Variants in KIRREL3 observed in about 807,000 individuals in gnomAD.
KIRREL3 encodes kin of IRRE-like protein 3.
Under a neutral mutation model 89.7 loss-of-function variants are expected in KIRREL3, and 36 were observed. The observed-to-expected ratio is 0.40, with a 90% confidence interval of 0.31 to 0.53. KIRREL3 has a LOEUF of 0.53. Among genes scored for constraint, KIRREL3 ranks in the 20% least tolerant of loss-of-function variants. The pLI, the probability that KIRREL3 is intolerant of heterozygous loss-of-function variation, is 0.49. For synonymous variants in KIRREL3, 445 were observed against 441.4 expected (o/e 1.01, Z -0.10); for missense variants, 864 against 1,056.6 (o/e 0.82, Z 2.53).
chr11:126,468,915 T>C lies in KIRREL3; in HGVS notation c.591+4394A>G, dbSNP rs115165919. ...GGTTTGAGCTAGGCCTTCAGAACCATGTGGCCAGCCTAACTATGACACCGA... is the reference window on the plus strand; with the variant it reads ...GGTTTGAGCTAGGCCTTCAGAACCACGTGGCCAGCCTAACTATGACACCGA... On this transcript the variant is annotated intron_variant, in intron 5 of 16. Coordinates refer to ENST00000525144, the MANE Select transcript of KIRREL3 (RefSeq NM_032531.4). Among the ~76,000 whole-genome samples the C allele has an allele frequency of 4.5e-3, 686 of 152,300 alleles. 6 individuals carry two copies. The highest frequency in any genetic ancestry group is 0.015 in the African/African-American group (616 of 41,564).
In KIRREL3 at chr11:126,768,133, T is replaced by TCCATCCATCCATCC. The variant is rs1949891419; in HGVS notation, c.56-205222_56-205221insGGATGGATGGATGG. On this transcript the variant is annotated intron_variant, in intron 1 of 16. Transcript: ENST00000525144. The surrounding 1 kb of genome is among the most constrained non-coding windows in gnomAD (Gnocchi z 4.5). ...CTGTCCATCCATCTGTCTATCCATC[T>TCCATCCATCCATCC]ATCCATCCATCCATCCATCCATCCA... 7.8e-6 allele frequency among the ~76,000 whole-genome samples: 1 copy of TCCATCCATCCATCC among 127,458 alleles called. No individual in the cohort carries two copies. Among genetic ancestry groups the TCCATCCATCCATCC allele is most frequent in the African/African-American group, 3.4e-5 (1 of 29,344 alleles). 83.6% of individuals were successfully genotyped at this position (127,458 alleles called of 152,430 possible).
intron 1 of KIRREL3, among the ~76,000 whole-genome samples, chr11:126,998,783 T>C (rs1007986399): frequency 1.3e-5 from 2 of 152,296 alleles, no homozygotes; most frequent in East Asian, 3.9e-4. Context: ...AAAAGGCTGA[T>C]TAAAGCATGC....
intron 4 of KIRREL3, among the ~76,000 whole-genome samples, chr11:126,499,412 C>T (rs551866655): frequency 3.2e-4 from 48 of 152,250 alleles, no homozygotes; most frequent in South Asian, 2.3e-3. Flanking sequence ...CACTTCCCTG[C>T]CTTCAGATTC....
chr11:126,663,704 C>T (rs1052114460), intron 1 of KIRREL3, among the ~76,000 whole-genome samples: 9 of 152,208 alleles, frequency 5.9e-5, no homozygotes, highest in African/African-American at 2.2e-4. Context: ...AGGCACAACT[C>T]CTAGGCCCTT....
In KIRREL3 at chr11:126,729,347, A is replaced by G. The variant is rs1948518251; in HGVS notation, c.56-166435T>C. Among the ~76,000 whole-genome samples, 1 of 152,214 alleles carries G rather than the reference A, an allele frequency of 6.6e-6. No homozygotes were observed. Among genetic ancestry groups the G allele is most frequent in the African/African-American group, 2.4e-5 (1 of 41,448 alleles). On this transcript the variant is annotated intron_variant, in intron 1 of 16. Coordinates refer to ENST00000525144, the MANE Select transcript of KIRREL3 (RefSeq NM_032531.4). This position sits in a 1 kb window ranked among gnomAD's most constrained non-coding sequence, Gnocchi z 4.5. ...ATAAAATGTGGAAAGATATAGAAGA[A>G]GAAACAGGAAGTGGAGCCTGGTGAG...
chr11:126,564,539 T>C lies in KIRREL3; in HGVS notation c.56-1627A>G, dbSNP rs1940371641. Reference sequence around the variant, plus strand: ...CACTGTTTCCAAAGGCACTCACTTCTCTTCCTTCCCCTCCACACTGGCGTC... The same window carrying C: ...CACTGTTTCCAAAGGCACTCACTTCCCTTCCTTCCCCTCCACACTGGCGTC... On this transcript the variant is annotated intron_variant, in intron 1 of 16. Transcript: ENST00000525144. This position sits in a 1 kb window ranked among gnomAD's most constrained non-coding sequence, Gnocchi z 7.4. 6.6e-6 allele frequency among the ~76,000 whole-genome samples: 1 copy of C among 152,242 alleles called. No individual in the cohort carries two copies. The highest frequency in any genetic ancestry group is 1.5e-5 in the Non-Finnish European group (1 of 68,046).
In KIRREL3 at chr11:126,608,000, G is replaced by A. The variant is rs989728804; in HGVS notation, c.56-45088C>T. On this transcript the variant is annotated intron_variant, in intron 1 of 16. Transcript: ENST00000525144. The surrounding 1 kb of genome is among the most constrained non-coding windows in gnomAD (Gnocchi z 6.6). ...AACGAGCACGTCAGCTGTCTCCAGG[G>A]CCTTTCTCATCATCTCCCGTGCCTG... Among the ~76,000 whole-genome samples, 1 of 152,178 alleles carries A rather than the reference G, an allele frequency of 6.6e-6. No individual in the cohort carries two copies. The highest frequency in any genetic ancestry group is 2.1e-4 in the South Asian group (1 of 4,834).
Position 126,472,703 on chromosome 11 carries a change from G to GGAGAGAGAGAGAGAGAGAGAGAGAGAGA in KIRREL3, c.591+578_591+605dup, listed in dbSNP as rs56276959. 1.5e-3 allele frequency among the ~76,000 whole-genome samples: 207 copies of GGAGAGAGAGAGAGAGAGAGAGAGAGAGA among 134,158 alleles called. 4 individuals carry two copies. Among genetic ancestry groups the GGAGAGAGAGAGAGAGAGAGAGAGAGAGA allele is most frequent in the Admixed American group, 2.6e-3 (32 of 12,214 alleles). The allele number at this position is 134,158 out of a possible 152,430, so 88.0% of individuals were successfully genotyped here. ...CCCAGCAGTTACCCTAGGACATAGA[G>GGAGAGAGAGAGAGAGAGAGAGAGAGAGA]GAGAGAGAGAGAGAGAGAGAGAGAG... On this transcript the variant is annotated intron_variant, in intron 5 of 16. Transcript: ENST00000525144.
chr11:126,621,609 G>A (rs780669299), intron 1 of KIRREL3, among the ~76,000 whole-genome samples: 9 of 152,092 alleles, frequency 5.9e-5, no homozygotes, highest in Non-Finnish European at 8.8e-5. Flanking sequence ...AACCATCTTG[G>A]TTGAATCCTA....
At chr11:126,809,998 T>C (rs1188010024) in intron 1 of KIRREL3, among the ~76,000 whole-genome samples, 2 of 152,152 alleles carry the variant, frequency 1.3e-5, no homozygotes, top group African/African-American at 2.4e-5. Flanking sequence ...CCTCAGCTTG[T>C]TTCATGGCTC....
chr11:126,665,088 A>C (rs146814121), intron 1 of KIRREL3, among the ~76,000 whole-genome samples: 1,954 of 152,248 alleles, frequency 0.013, 27 homozygotes, highest in Admixed American at 0.017. Context: ...GTTCCTTATA[A>C]ATTTTTTAAA....
At chr11:126,671,119 AT>A (rs1401225451) in intron 1 of KIRREL3, among the ~76,000 whole-genome samples, 3 of 152,214 alleles carry the variant, frequency 2.0e-5, no homozygotes, top group Non-Finnish European at 2.9e-5. Flanking sequence ...TACATCCTTC[AT>A]AAAAAATTGC....
intron 1 of KIRREL3, among the ~76,000 whole-genome samples, chr11:126,646,473 A>ATTTTTT (rs71279461): frequency 2.5e-4 from 32 of 127,402 alleles, no homozygotes; most frequent in East Asian, 1.4e-3. Context: ...TGCCCCAAGT[A>ATTTTTT]TTTTTTTTTT....
chr11:126,701,890 A>C (rs1947326814), intron 1 of KIRREL3, among the ~76,000 whole-genome samples: 1 of 152,200 alleles, frequency 6.6e-6, no homozygotes, highest in African/African-American at 2.4e-5. Context: ...AGTACCTAAA[A>C]GGTTCTTTAG....
In KIRREL3 at chr11:127,000,222, A is replaced by G. The variant is rs2059368433; in HGVS notation, c.55+233T>C. 6.6e-6 allele frequency among the ~76,000 whole-genome samples: 1 copy of G among 152,162 alleles called. No homozygotes were observed. The highest frequency in any genetic ancestry group is 3.2e-3 in the Middle Eastern group (1 of 316). ...GAGCTGGATATTGACAAGTGAGAGG[A>G]GAAAGTCATTCCCCTCCCCTCCCAT... On this transcript the variant is annotated intron_variant, in intron 1 of 16. Transcript: ENST00000525144. This position sits in a 1 kb window ranked among gnomAD's most constrained non-coding sequence, Gnocchi z 7.1.
intron 1 of KIRREL3, among the ~76,000 whole-genome samples, chr11:126,798,147 C>T (rs1950871520): frequency 6.6e-6 from 1 of 151,194 alleles, no homozygotes; most frequent in South Asian, 2.1e-4. Context: ...TCTGTGCAAC[C>T]CCCTTCTGCT....
chr11:126,549,150 A>T (rs1939056068), intron 2 of KIRREL3: 1 of 152,220 alleles, frequency 6.6e-6, no homozygotes, highest in African/African-American at 2.4e-5. Flanking sequence ...CACACTCGGT[A>T]CACAGTTACT....
intron 1 of KIRREL3, among the ~76,000 whole-genome samples, chr11:126,975,697 A>C (rs748066672): frequency 6.6e-6 from 1 of 152,176 alleles, no homozygotes; most frequent in Non-Finnish European, 1.5e-5. Flanking sequence ...GGAACTAATT[A>C]ATCAGACTCT....
rs926055790 is a variant in KIRREL3 at position 126,970,160 on chromosome 11, C to A, written c.55+30295G>T. 2.0e-5 allele frequency among the ~76,000 whole-genome samples: 3 copies of A among 152,170 alleles called. No individual in the cohort carries two copies. Among genetic ancestry groups the A allele is most frequent in the Admixed American group, 1.3e-4 (2 of 15,278 alleles). ...GGATATATCATGCATTTGAAAAATT[C>A]TTTCTTCTTTCAGTTTTTCGCTCTT... On this transcript the variant is annotated intron_variant, in intron 1 of 16. Coordinates refer to ENST00000525144, the MANE Select transcript of KIRREL3 (RefSeq NM_032531.4). This position sits in a 1 kb window ranked among gnomAD's most constrained non-coding sequence, Gnocchi z 4.4.
Sources: allele counts gnomAD v4.1 joint callset (sites outside exome capture counted in the v4.1 genomes callset), GRCh38; gene constraint gnomAD v4.1.1; non-coding constraint Gnocchi (gnomAD v3.1); transcripts MANE v1.5; gene names NCBI Gene and HGNC (gene_info 2026-07-23, HGNC 2026-07-21).